The following MCM6 variants were observed in gnomAD, a reference collection of about 807,000 sequenced individuals.
MCM6 encodes minichromosome maintenance complex component 6.
Under a neutral mutation model 94.3 loss-of-function variants are expected in MCM6, and 46 were observed. The observed-to-expected ratio is 0.49, with a 90% confidence interval of 0.39 to 0.62. MCM6 has a LOEUF of 0.62. Among genes scored for constraint, MCM6 ranks in the 20% least tolerant of loss-of-function variants. The pLI, the probability that MCM6 is intolerant of heterozygous loss-of-function variation, is 0.00. For synonymous variants in MCM6, 335 were observed against 351.9 expected, an observed-to-expected ratio of 0.95 and a Z score of 0.54; for missense variants, 865 against 1,017.9, an observed-to-expected ratio of 0.85 and a Z score of 2.04.
intron 16 of MCM6, among the ~76,000 whole-genome samples, chr2:135,844,110 A>G (rs1679629608): frequency 1.3e-5 from 2 of 151,614 alleles, no homozygotes. Context: ...AGCTGCTTAG[A>G]TAAGGATACA....
chr2:135,863,723 TAACAAAACAA>T (rs55711144), intron 7 of MCM6, among the ~76,000 whole-genome samples: 8,156 of 147,094 alleles, frequency 0.055, 675 homozygotes, highest in African/African-American at 0.19. Context: ...AGTAAGACCC[TAACAAAACAA>T]AACAAAACAA....
chr2:135,869,963 AC>A (rs1246293994), intron 3 of MCM6, among the ~76,000 whole-genome samples: 2 of 152,248 alleles, frequency 1.3e-5, no homozygotes, highest in African/African-American at 4.8e-5. Context: ...CTGGTATTTT[AC>A]AGCATCAATT....
At chr2:135,876,156 G>A in intron 1 of MCM6, 103 bp downstream of exon 1, 1 of 873,884 alleles carries the variant, frequency 1.1e-6, no homozygotes, top group Non-Finnish European at 1.6e-6. Flanking sequence ...TCCCGGACGC[G>A]CGACCCCCAG....
intron 10 of MCM6, among the ~76,000 whole-genome samples, chr2:135,857,278 C>T (rs1377882519): frequency 2.0e-5 from 3 of 152,038 alleles, no homozygotes; most frequent in African/African-American, 7.2e-5. Context: ...AAAAGATTGC[C>T]AAAATAAAAT....
chr2:135,845,915 G>GT (rs1045642666), intron 15 of MCM6, among the ~76,000 whole-genome samples: 14 of 152,282 alleles, frequency 9.2e-5, no homozygotes, highest in African/African-American at 3.4e-4. Context: ...CAGAACCATT[G>GT]TAAGGGAATA....
At chr2:135,846,487 T>C (rs1341330291) in intron 14 of MCM6, 95 bp from the exon 15 acceptor site, 7 of 941,096 alleles carry the variant, frequency 7.4e-6, no homozygotes, top group Non-Finnish European at 9.8e-6. Flanking sequence ...TTAATACTGA[T>C]TTTTTTCACT....
At chr2:135,859,084 G>A (rs1679941614) in intron 9 of MCM6, among the ~76,000 whole-genome samples, 1 of 152,004 alleles carries the variant, frequency 6.6e-6, no homozygotes, top group Non-Finnish European at 1.5e-5. Context: ...AGAGAAAATG[G>A]GTTTTCGCCA....
rs372777048 is a variant in MCM6, at chr2:135,868,767, G to A, written c.459C>T (p.Ser153=). The A allele has an allele frequency of 5.6e-6, 9 of 1,614,002 alleles. No individual in the cohort carries two copies. Among genetic ancestry groups the A allele is most frequent in the Non-Finnish European group, 7.6e-6 (9 of 1,180,028 alleles). The part of the protein sequence containing the change: ...RTHPVHPELV[S]GTFLCLDCQT... ...GACAGTCCAAGCACAGAAAAGTTCC[G>A]CTCACAAGCTCTGGGTGAACTGGGT... Residue 153 remains serine (S), a synonymous_variant, in exon 4 of 17, where the codon AGC becomes AGT. Transcript: ENST00000264156.
At chr2:135,844,490 A>G in intron 16 of MCM6, 55 bp downstream of exon 16, 1 of 1,373,450 alleles carries the variant, frequency 7.3e-7, no homozygotes, top group East Asian at 2.7e-5. Context: ...CTGCAGATAC[A>G]GGGCATGAAC....
In MCM6 at chr2:135,851,629, G is replaced by T. The variant is rs1013885509; in HGVS notation, c.1756-66C>A. The T allele has an allele frequency of 4.4e-6, 6 of 1,363,852 alleles. No homozygotes were observed. In the African/African-American group the frequency reaches 7.2e-5, roughly 16 times the overall value. The allele number at this position is 1,363,852 out of a possible 1,614,324, so 84.5% of individuals were successfully genotyped here. A position where few individuals can be genotyped will look rare whatever the true frequency, so the allele number is the denominator to read the frequency against. On this transcript the variant is annotated intron_variant, in intron 12 of 16. Transcript: ENST00000264156. The stretch of plus-strand genomic sequence containing the variant: ...TTGATGAGAGCTACGGTAAACCTAA[G>T]TTTAAGAGCCTTCCAGGTGGAAACA...
chr2:135,858,026 C>T (rs1360172131), intron 9 of MCM6, 22 bp from the exon 10 acceptor site: 1 of 1,605,284 alleles, frequency 6.2e-7, no homozygotes, highest in South Asian at 1.1e-5. Flanking sequence ...CAAATCAAGC[C>T]TAAGAAGCTG....
chr2:135,840,851 T>C lies in MCM6; in HGVS notation c.2450A>G (p.Tyr817Cys). 1 of 1,612,622 alleles carries C rather than the reference T, an allele frequency of 6.2e-7. No individual in the cohort carries two copies. Among genetic ancestry groups the C allele is most frequent in the Non-Finnish European group, 8.5e-7 (1 of 1,178,550 alleles). ...EDPYLVVNPNYLLED is the reference protein window; with the variant it reads ...EDPYLVVNPNCLLED ...TTCACTATCTCAATCTTCGAGCAAG[T>C]AGTTAGGGTTAACTACCAAGTAGGG... Residue 817 changes from tyrosine to cysteine, a missense_variant, in exon 17 of 17, where the codon TAC becomes TGC. Physicochemically the swap from Tyr to Cys is radical, Grantham distance 194. Coordinates refer to ENST00000264156, the MANE Select transcript of MCM6 (RefSeq NM_005915.6).
chr2:135,851,684 G>C (rs1234169210), intron 12 of MCM6, 121 bp from the exon 13 acceptor site: 2 of 711,080 alleles, frequency 2.8e-6, no homozygotes, highest in Non-Finnish European at 4.2e-6. Flanking sequence ...TTGAAACTTT[G>C]AGAAGCCAGT....
At position 135,865,154 on chromosome 2, in the gene MCM6, TC is replaced by T. The variant is rs747148219; in HGVS notation, c.936del (p.Glu314SerfsTer16). On this transcript the variant is annotated frameshift_variant, in exon 7 of 17. Coordinates refer to ENST00000264156, the MANE Select transcript of MCM6 (RefSeq NM_005915.6). LOFTEE classifies it high-confidence loss of function. ...CVAPTNPRFG[G>X]KELRDEEQTA... ...GTCTGTTCCTCATCTCTGAGCTCTTTCCCCCCAAACTAATGGTAGAGAACAA... is the reference window on the plus strand; with the variant it reads ...GTCTGTTCCTCATCTCTGAGCTCTTTCCCCCAAACTAATGGTAGAGAACAA... The T allele has an allele frequency of 2.6e-6, 4 of 1,528,202 alleles. No homozygotes were observed. Among genetic ancestry groups the T allele is most frequent in the South Asian group, 1.4e-5 (1 of 73,988 alleles). 94.7% of individuals were successfully genotyped at this position (1,528,202 alleles called of 1,614,324 possible). A position where few individuals can be genotyped will look rare whatever the true frequency, so the allele number is the denominator to read the frequency against.
chr2:135,841,039 T>C (rs1679561312), intron 16 of MCM6, 88 bp from the exon 17 acceptor site: 1 of 919,624 alleles, frequency 1.1e-6, no homozygotes, highest in Non-Finnish European at 1.7e-6. Flanking sequence ...TTCCGAGTGT[T>C]TGCTATCAAC....
intron 1 of MCM6, among the ~76,000 whole-genome samples, chr2:135,874,889 T>C (rs778012334): frequency 1.2e-4 from 18 of 152,182 alleles, no homozygotes; most frequent in Non-Finnish European, 2.6e-4. Flanking sequence ...CAGAGGAACC[T>C]TGTAGACATT....
At chr2:135,872,519 C>T (rs1007769450) in intron 2 of MCM6, among the ~76,000 whole-genome samples, 178 bp downstream of exon 2, 20 of 152,100 alleles carry the variant, frequency 1.3e-4, no homozygotes, top group African/African-American at 4.6e-4. Flanking sequence ...CAAAGGCCTA[C>T]ATGAAGTTCA....
intron 10 of MCM6, 51 bp downstream of exon 10, chr2:135,857,846 A>T: frequency 6.8e-7 from 1 of 1,466,882 alleles, no homozygotes; most frequent in Non-Finnish European, 9.5e-7. Flanking sequence ...GTACTACATT[A>T]ATCAACAAGG....
intron 2 of MCM6, 60 bp downstream of exon 2, chr2:135,872,637 A>C: frequency 4.5e-6 from 7 of 1,545,084 alleles, no homozygotes; most frequent in Non-Finnish European, 4.4e-6. Context: ...CAGTCCAAGA[A>C]GAGCTGGCTT....
Sources: gnomAD v4.1 joint callset for allele counts (sites outside exome capture counted in the v4.1 genomes callset) on GRCh38, gnomAD v4.1.1 for gene constraint, MANE v1.5 for transcripts, NCBI Gene and HGNC (gene_info 2026-07-23, HGNC 2026-07-21) for gene names.